Variants in IRAK1BP1 observed in about 807,000 individuals in gnomAD.
The protein encoded by IRAK1BP1 is interleukin-1 receptor-associated kinase 1-binding protein 1.
Under a neutral mutation model 28.0 loss-of-function variants are expected in IRAK1BP1, and 24 were observed. The ratio of observed to expected loss-of-function variants is 0.86; its 90% confidence interval spans 0.62 to 1.20. The LOEUF (loss-of-function observed/expected upper bound fraction) is 1.20. Ranked by LOEUF, IRAK1BP1 falls within the 50% of genes most tolerant of loss-of-function variation. The pLI, the probability that IRAK1BP1 is intolerant of heterozygous loss-of-function variation, is 0.00. For synonymous variants in IRAK1BP1, 131 were observed against 116.3 expected (o/e 1.13, Z -0.81); for missense variants, 336 against 316.7 (o/e 1.06, Z -0.46).
chr6:78,959,441 T>A, the IRAK1BP1 span, among the ~76,000 whole-genome samples: 1 of 152,164 alleles, frequency 6.6e-6, no homozygotes, highest in South Asian at 2.1e-4. Context: ...TAGAAAACTG[T>A]GTGTAAAATA....
At chr6:78,961,770 G>A in the IRAK1BP1 span, 1 of 1,611,084 alleles carries the variant, frequency 6.2e-7, no homozygotes, top group Non-Finnish European at 8.5e-7. Context: ...ACATGGGATA[G>A]GCTTGCAGAT....
intron 4 of IRAK1BP1, chr6:78,941,095 AG>A: frequency 6.2e-7 from 1 of 1,614,080 alleles, no homozygotes; most frequent in Non-Finnish European, 8.5e-7. Flanking sequence ...ATGTTGAAGA[AG>A]GAAGTACTTC....
chr6:78,976,100 C>A, the IRAK1BP1 span, among the ~76,000 whole-genome samples: 1,603 of 150,848 alleles, frequency 0.011, 32 homozygotes, highest in African/African-American at 0.036. Flanking sequence ...AAGCTGGAGG[C>A]ATCACACTAC....
At chr6:78,893,312 G>GTATATATATATATA (rs1188973498) in intron 2 of IRAK1BP1, among the ~76,000 whole-genome samples, 2 of 64,178 alleles carry the variant, frequency 3.1e-5, no homozygotes, top group Middle Eastern at 6.8e-3. Flanking sequence ...GTGTGTGTGT[G>GTATATATATATATA]TGTATATATA....
At chr6:78,970,154 A>G in the IRAK1BP1 span, 1 of 1,612,056 alleles carries the variant, frequency 6.2e-7, no homozygotes, top group Non-Finnish European at 8.5e-7. Flanking sequence ...TATGCCAACT[A>G]TTTTCATAAG....
chr6:78,920,311 A>C (rs1772688995), intron 4 of IRAK1BP1, among the ~76,000 whole-genome samples: 2 of 152,208 alleles, frequency 1.3e-5, no homozygotes. Flanking sequence ...GGAACCAAAA[A>C]AGAGCCCAAA....
At chr6:78,909,921 G>A (rs1772359452) in intron 4 of IRAK1BP1, among the ~76,000 whole-genome samples, 1 of 152,034 alleles carries the variant, frequency 6.6e-6, no homozygotes, top group South Asian at 2.1e-4. Flanking sequence ...ATTTTTTAAT[G>A]GCATCTTTTC....
chr6:78,919,419 G>A (rs887581439), intron 4 of IRAK1BP1, among the ~76,000 whole-genome samples: 1 of 151,988 alleles, frequency 6.6e-6, no homozygotes, highest in African/African-American at 2.4e-5. Context: ...CTCTTTGAAA[G>A]GATAAACAAG....
At chr6:78,961,209 CTGAG>C in the IRAK1BP1 span, among the ~76,000 whole-genome samples, 1 of 151,926 alleles carries the variant, frequency 6.6e-6, no homozygotes, top group Non-Finnish European at 1.5e-5. Flanking sequence ...CTATGAAAAA[CTGAG>C]TATTTTCAAA....
rs983884013 is a variant in IRAK1BP1 at position 78,867,583 on chromosome 6, C to T, written c.7C>T (p.Leu3=). The change falls in exon 1 of 4, where the codon CTG becomes TTG. Residue 3 remains leucine (L), a synonymous_variant. Coordinates refer to ENST00000369940, the MANE Select transcript of IRAK1BP1 (RefSeq NM_001010844.4). MS[L]QKTPPTRVFV... ...AAACCCAGCTGCCATCGCTATGTCT[C>T]TGCAAAAGACCCCTCCGACCCGAGT... 6.2e-7 allele frequency: 1 copy of T among 1,613,390 alleles called. No individual in the cohort carries two copies. Among genetic ancestry groups the T allele is most frequent in the Non-Finnish European group, 8.5e-7 (1 of 1,179,712 alleles).
intron 4 of IRAK1BP1, among the ~76,000 whole-genome samples, chr6:78,931,091 G>GA (rs1465970306): frequency 6.6e-6 from 1 of 152,034 alleles, no homozygotes; most frequent in Admixed American, 6.6e-5. Context: ...CTTAAATTTA[G>GA]AAAAAATGAG....
chr6:78,932,421 CTT>C (rs386407659), intron 4 of IRAK1BP1, among the ~76,000 whole-genome samples: 10 of 123,676 alleles, frequency 8.1e-5, no homozygotes, highest in Non-Finnish European at 9.8e-5. Flanking sequence ...CTTTCTTTTT[CTT>C]TTTTTTTTTT....
chr6:78,915,245 G>T (rs1282151526), intron 4 of IRAK1BP1, among the ~76,000 whole-genome samples: 1 of 152,158 alleles, frequency 6.6e-6, no homozygotes, highest in African/African-American at 2.4e-5. Context: ...TAAATTATGA[G>T]CAACTAAAAT....
At chr6:78,945,737 T>C (rs1773778373) in exon 5 of IRAK1BP1, 2 of 600,626 alleles carry the variant, frequency 3.3e-6, no homozygotes, top group South Asian at 2.2e-5. Flanking sequence ...TCTTGGCAAA[T>C]TGCTAGCTAG....
At chr6:78,878,765 T>A (rs1562077506) in intron 1 of IRAK1BP1, among the ~76,000 whole-genome samples, 2 of 152,150 alleles carry the variant, frequency 1.3e-5, no homozygotes, top group Non-Finnish European at 2.9e-5. Flanking sequence ...AAAGATTAGA[T>A]GAATGGCTAA....
At chr6:78,905,726 C>T (rs1222402334), downstream of IRAK1BP1, among the ~76,000 whole-genome samples, 3 of 152,060 alleles carry the variant, frequency 2.0e-5, no homozygotes, top group African/African-American at 4.8e-5. Context: ...CTCAGCCTCT[C>T]GAGTAGCTGG....
At chr6:78,871,264 C>T in intron 1 of IRAK1BP1, 7 of 985,242 alleles carry the variant, frequency 7.1e-6, no homozygotes, top group Non-Finnish European at 8.4e-6. Context: ...CTGGTCCTCC[C>T]TCACAAAAGT....
At chr6:78,964,649 C>T in the IRAK1BP1 span, among the ~76,000 whole-genome samples, 2 of 152,044 alleles carry the variant, frequency 1.3e-5, no homozygotes, top group African/African-American at 2.4e-5. Flanking sequence ...CACGCCACCA[C>T]GCCAGGCTAA....
At chr6:78,927,248 G>A (rs1434718575) in intron 4 of IRAK1BP1, among the ~76,000 whole-genome samples, 1 of 151,998 alleles carries the variant, frequency 6.6e-6, no homozygotes, top group African/African-American at 2.4e-5. Flanking sequence ...TTTTAACTGG[G>A]GTGAGATGAT....
Sources: gnomAD v4.1 joint callset for allele counts (sites outside exome capture counted in the v4.1 genomes callset) on GRCh38, gnomAD v4.1.1 for gene constraint, MANE v1.5 for transcripts, NCBI Gene and HGNC (gene_info 2026-07-23, HGNC 2026-07-21) for gene names.